Variants in CCT6A observed in about 807,000 individuals in gnomAD.
The protein encoded by CCT6A is chaperonin containing TCP1 subunit 6A, also known as T-complex protein 1 subunit zeta.
CCT6A carries 6 observed loss-of-function variants against 58.6 expected under a neutral mutation model. The ratio of observed to expected loss-of-function variants is 0.10; its 90% CI spans 0.06 to 0.20. CCT6A has a LOEUF of 0.20. Ranked by LOEUF, CCT6A falls within the 10% of genes least tolerant of loss-of-function variation. The probability of loss-of-function intolerance (pLI) is 1.00; values close to 1 mark genes in which losing one functional copy is unlikely to be tolerated. For missense variants in CCT6A, 516 were observed against 648.8 expected, an observed-to-expected ratio of 0.80 and a Z score of 2.22; for synonymous variants, 245 against 227.8, an observed-to-expected ratio of 1.08 and a Z score of -0.68.
rs1794239060 is a variant in CCT6A, at chr7:56,053,620, C to T, written c.202-749C>T. On this transcript the variant is annotated intron_variant, in intron 2 of 13. Coordinates refer to ENST00000275603, the MANE Select transcript of CCT6A (RefSeq NM_001762.4). The stretch of plus-strand genomic sequence containing the variant: ...AATACAAAAATTAGCCGGGTGTGGT[C>T]CTGCACGCCTGTAGTCCCAGCTGCT... Among the ~76,000 whole-genome samples, 3 of 152,010 alleles carry T rather than the reference C, an allele frequency of 2.0e-5. No individual in the cohort carries two copies. The South Asian group carries it at 6.2e-4, about 32-fold the overall frequency.
chr7:56,054,083 T>C (rs1162529287), intron 2 of CCT6A, among the ~76,000 whole-genome samples: 2 of 152,242 alleles, frequency 1.3e-5, no homozygotes, highest in African/African-American at 2.4e-5. Flanking sequence ...TGTACAATTA[T>C]GTGTTACTGT....
In CCT6A at chr7:56,051,819, A is replaced by G. The variant is rs1210272462; in HGVS notation, c.-30A>G. ...GCCGCGCCGGCTCTGGGCACTCAGCATCGTTTCCTTTTCCTCCGCTGGAGC... is the reference window on the plus strand; with the variant it reads ...GCCGCGCCGGCTCTGGGCACTCAGCGTCGTTTCCTTTTCCTCCGCTGGAGC... On this transcript the variant is annotated 5_prime_UTR_variant, in exon 1 of 14. Transcript: ENST00000275603. 2.8e-5 allele frequency: 43 copies of G among 1,548,188 alleles called. No individual in the cohort carries two copies. Among genetic ancestry groups the G allele is most frequent in the East Asian group, 4.9e-5 (2 of 40,520 alleles).
chr7:56,054,466 G>T lies in CCT6A; in HGVS notation c.299G>T (p.Gly100Val). ...ACGACTTCTAATGTCCTAATCATTG[G>T]AGAGCTGCTGAAACAGGCGGATCTC... ...DGTTSNVLII[G>V]ELLKQADLYI... is the part of the protein sequence containing the mutation. Residue 100 changes from glycine (G) to valine (V), a missense_variant, in exon 3 of 14, where the codon GGA becomes GTA. By Grantham distance (109) the Gly-to-Val change is moderately radical. Coordinates refer to ENST00000275603, the MANE Select transcript of CCT6A (RefSeq NM_001762.4). 1 of 1,613,524 alleles carries T rather than the reference G, an allele frequency of 6.2e-7. No homozygotes were observed. Among genetic ancestry groups the T allele is most frequent in the Non-Finnish European group, 8.5e-7 (1 of 1,179,730 alleles).
Position 56,055,740 on chromosome 7 carries a change from G to A in CCT6A, c.453G>A (p.Val151=). ...REMDRETLID[V]ARTSLRTKVH... Reference sequence around the variant, plus strand: ...TGGACAGGGAAACACTTATAGATGTGGCCAGAACATCTCTTCGTACTAAAG... The same window carrying A: ...TGGACAGGGAAACACTTATAGATGTAGCCAGAACATCTCTTCGTACTAAAG... The change falls in exon 4 of 14, where the codon GTG becomes GTA. Residue 151 remains valine, a synonymous_variant. Coordinates refer to ENST00000275603, the MANE Select transcript of CCT6A (RefSeq NM_001762.4). The A allele has an allele frequency of 6.2e-7, 1 of 1,613,548 alleles. No homozygotes were observed. Among genetic ancestry groups the A allele is most frequent in the South Asian group, 1.1e-5 (1 of 91,062 alleles).
At chr7:56,059,683 C>A in intron 9 of CCT6A, 43 bp downstream of exon 9, 2 of 969,112 alleles carry the variant, frequency 2.1e-6, no homozygotes, top group South Asian at 1.3e-5. Context: ...CCTTTTAGCT[C>A]GTGAATTATT....
At position 56,062,775 on chromosome 7, in the gene CCT6A, AACT is replaced by A. The variant is rs1355726199; in HGVS notation, c.1523+22_1523+24del. 14 of 1,575,292 alleles carry A rather than the reference AACT, an allele frequency of 8.9e-6. No individual in the cohort carries two copies. Among genetic ancestry groups the A allele is most frequent in the Non-Finnish European group, 1.1e-5 (13 of 1,149,492 alleles). ...CTCCTGGTAAGTTTGGGAAAATGAA[AACT>A]AAACTGTTAGAGAATCATACTTTTT... On this transcript the variant is annotated intron_variant, in intron 13 of 13. Transcript: ENST00000275603.
chr7:56,059,518 C>G, intron 8 of CCT6A, 26 bp from the exon 9 acceptor site: 1 of 1,208,946 alleles, frequency 8.3e-7, no homozygotes, highest in Non-Finnish European at 1.2e-6. Flanking sequence ...CGTTGCTTAT[C>G]CATCTCCCTT....
intron 3 of CCT6A, 36 bp from the exon 4 acceptor site, chr7:56,055,588 A>G: frequency 6.5e-7 from 1 of 1,531,348 alleles, no homozygotes; most frequent in Non-Finnish European, 9.0e-7. Flanking sequence ...GTTGCACCTA[A>G]TTGAAGATGC....
At chr7:56,062,855 C>G in intron 13 of CCT6A, 100 bp downstream of exon 13, 1 of 1,193,190 alleles carries the variant, frequency 8.4e-7, no homozygotes, top group Non-Finnish European at 1.3e-6. Flanking sequence ...ATAATGTGAT[C>G]AGCTGGAAGT....
At chr7:56,060,628 A>G in intron 10 of CCT6A, 179 bp from the exon 11 acceptor site, 1 of 955,646 alleles carries the variant, frequency 1.0e-6, no homozygotes, top group South Asian at 1.3e-5. Context: ...GATCTGTTGA[A>G]AGCTGCCAGT....
chr7:56,063,027 C>A lies in CCT6A; in HGVS notation c.1538C>A (p.Thr513Asn). 6.2e-7 allele frequency: 1 copy of A among 1,612,566 alleles called. No homozygotes were observed. The highest frequency in any genetic ancestry group is 1.1e-5 in the South Asian group (1 of 91,062). ...QLLHSCTVIA[T>N]NILLVDEIMR... ...CCCCCTTTCAGCACTGTGATTGCCA[C>A]CAACATTCTCTTGGTTGATGAGATC... Residue 513 changes from threonine to asparagine, a missense_variant, in exon 14 of 14, where the codon ACC becomes AAC. This residue lies in a region of CCT6A where 315 missense variants were observed against 389.4 expected (regional missense o/e 0.81). Transcript: ENST00000275603.
rs759504485 is a variant in CCT6A, at chr7:56,058,447, G to T, written c.811G>T (p.Val271Phe). The change falls in exon 7 of 14, where the codon GTT (valine) becomes TTT (phenylalanine). Residue 271 changes from valine (V) to phenylalanine (F), a missense_variant. Coordinates refer to ENST00000275603, the MANE Select transcript of CCT6A (RefSeq NM_001762.4). ...KAERKFIEDRVKKIIELKRKV... is the reference protein window; with the variant it reads ...KAERKFIEDRFKKIIELKRKV... ...TGAAAGAAAATTCATTGAAGATAGGGTTAAAAAAATAATAGAACTGAAAAG... is the reference window on the plus strand; with the variant it reads ...TGAAAGAAAATTCATTGAAGATAGGTTTAAAAAAATAATAGAACTGAAAAG... The T allele has an allele frequency of 1.9e-6, 3 of 1,604,518 alleles. No homozygotes were observed. The highest frequency in any genetic ancestry group is 2.2e-5 in the East Asian group (1 of 44,812).
At chr7:56,060,584 A>G (rs757938338) in intron 10 of CCT6A, 168 bp downstream of exon 10, 34 of 934,756 alleles carry the variant, frequency 3.6e-5, no homozygotes, top group Non-Finnish European at 3.8e-5. Context: ...GCATATCATT[A>G]TTAAAGGTGA....
chr7:56,056,536 A>G (rs1256968706), intron 5 of CCT6A, 122 bp downstream of exon 5: 1 of 627,646 alleles, frequency 1.6e-6, no homozygotes. Flanking sequence ...CAGCCTGGCC[A>G]ACATGGGGAA....
At position 56,063,964 on chromosome 7, in the gene CCT6A, T is replaced by A. The variant is rs989716913; in HGVS notation, c.*879T>A. The A allele has an allele frequency of 6.7e-6, 3 of 447,714 alleles. No individual in the cohort carries two copies. The highest frequency in any genetic ancestry group is 7.9e-6 in the Non-Finnish European group (2 of 253,736). The allele number at this position is 447,714 out of a possible 1,614,324, so 27.7% of individuals were successfully genotyped here. A position where few individuals can be genotyped will look rare whatever the true frequency, so the allele number is the denominator to read the frequency against. On this transcript the variant is annotated 3_prime_UTR_variant, in exon 14 of 14. Coordinates refer to ENST00000275603, the MANE Select transcript of CCT6A (RefSeq NM_001762.4). The stretch of plus-strand genomic sequence containing the variant: ...GTCAGCAGTGGCCTGAAGTGAGTTG[T>A]GCAATAAATGTTAAGTTGAAACCTC...
At chr7:56,052,085 C>T in intron 1 of CCT6A, 100 bp downstream of exon 1, 2 of 1,043,724 alleles carry the variant, frequency 1.9e-6, no homozygotes. Context: ...CTCGGGGCTG[C>T]GCAGCCGTCC....
Position 56,060,298 on chromosome 7 carries a change from A to G in CCT6A, c.1095A>G (p.Lys365=), listed in dbSNP as rs759578820. 1.9e-6 allele frequency: 3 copies of G among 1,614,022 alleles called. No individual in the cohort carries two copies. The highest frequency in any genetic ancestry group is 8.5e-7 in the Non-Finnish European group (1 of 1,179,868). Residue 365 remains lysine, a synonymous_variant, in exon 10 of 14, where the codon AAA becomes AAG. Transcript: ENST00000275603. ...AAGAGAAGTTTACCTTTATTGAGAA[A>G]TGTAACAACCCTCGTTCTGTCACAT... ...LGEEKFTFIE[K]CNNPRSVTLL...
chr7:56,053,036 C>G (rs558564470), intron 2 of CCT6A, among the ~76,000 whole-genome samples: 2 of 152,088 alleles, frequency 1.3e-5, no homozygotes, highest in Non-Finnish European at 2.9e-5. Context: ...TCAGGCGATC[C>G]CCCCGCATCA....
intron 1 of CCT6A, 27 bp downstream of exon 1, chr7:56,052,012 G>C (rs764727881): frequency 2.8e-6 from 4 of 1,433,360 alleles, no homozygotes; most frequent in Non-Finnish European, 1.8e-6. Flanking sequence ...CCGGAGGGCC[G>C]GGCGGGCACC....
Sources: gnomAD v4.1 joint callset for allele counts (sites outside exome capture counted in the v4.1 genomes callset) on GRCh38, gnomAD v4.1.1 for gene constraint, gnomAD v4.1.1 regional missense constraint, MANE v1.5 for transcripts, NCBI Gene and HGNC (gene_info 2026-07-23, HGNC 2026-07-21) for gene names.